Variants in LINGO2 observed in about 807,000 individuals in gnomAD.
LINGO2 encodes leucine rich repeat and Ig domain containing 2.
Under a neutral mutation model 30.6 loss-of-function variants are expected in LINGO2, and 14 were observed. The observed-to-expected ratio is 0.46, with a 90% CI of 0.30 to 0.72. LINGO2 has a LOEUF of 0.72. LINGO2 is among the 30% of genes least tolerant of loss of function. The pLI is 0.07. For synonymous variants in LINGO2, 317 were observed against 288.5 expected (o/e 1.10, Z -1.00); for missense variants, 729 against 751.7 (o/e 0.97, Z 0.35).
At chr9:28,237,626 G>A (rs1361673806) in intron 4 of LINGO2, among the ~76,000 whole-genome samples, 2 of 152,138 alleles carry the variant, frequency 1.3e-5, no homozygotes, top group Admixed American at 6.5e-5. Context: ...GAGGCAGGTG[G>A]ATCAGATCAC....
chr9:28,047,872 A>G (rs1398292820), intron 4 of LINGO2, among the ~76,000 whole-genome samples: 1 of 150,930 alleles, frequency 6.6e-6, no homozygotes, highest in Non-Finnish European at 1.5e-5. Flanking sequence ...GAATGGGACT[A>G]AAAATTACTT....
At chr9:29,169,308 A>G in the LINGO2 span, among the ~76,000 whole-genome samples, 1 of 152,162 alleles carries the variant, frequency 6.6e-6, no homozygotes, top group Non-Finnish European at 1.5e-5. Flanking sequence ...GACTATTTTA[A>G]TAATCTTAGT....
the LINGO2 span, among the ~76,000 whole-genome samples, chr9:28,848,055 A>AAAC: frequency 1.8e-5 from 1 of 56,658 alleles, no homozygotes; most frequent in Non-Finnish European, 3.1e-5. Context: ...GTATATATAT[A>AAAC]TATATATGTA....
At chr9:28,030,670 A>G in intron 4 of LINGO2, among the ~76,000 whole-genome samples, 1 of 152,190 alleles carries the variant, frequency 6.6e-6, no homozygotes, top group East Asian at 1.9e-4. Context: ...TTTCAGTTTG[A>G]GTGACTGAGT....
the LINGO2 span, among the ~76,000 whole-genome samples, chr9:29,181,129 T>G: frequency 6.6e-6 from 1 of 152,200 alleles, no homozygotes; most frequent in African/African-American, 2.4e-5. Context: ...ATAGAAAGAA[T>G]GAGTTTGGGA....
At chr9:28,582,913 C>A (rs1166981323) in intron 1 of LINGO2, among the ~76,000 whole-genome samples, 1 of 151,890 alleles carries the variant, frequency 6.6e-6, no homozygotes, top group African/African-American at 2.4e-5. Flanking sequence ...CATGTTTAAT[C>A]TTTTTAACTC....
chr9:28,989,712 T>G, the LINGO2 span, among the ~76,000 whole-genome samples: 14 of 152,292 alleles, frequency 9.2e-5, no homozygotes, highest in East Asian at 2.3e-3. Context: ...TTTACCAAAA[T>G]ACACTGCCTC....
intron 1 of LINGO2, among the ~76,000 whole-genome samples, chr9:28,624,367 C>A (rs532131063): frequency 6.6e-6 from 1 of 151,604 alleles, no homozygotes; most frequent in Non-Finnish European, 1.5e-5. Flanking sequence ...TAGTTTTGGG[C>A]GGATTTTATC....
chr9:28,486,705 T>A (rs181264334), intron 1 of LINGO2, among the ~76,000 whole-genome samples: 1 of 116,232 alleles, frequency 8.6e-6, no homozygotes, highest in Non-Finnish European at 2.1e-5. Flanking sequence ...CAAATGGTAC[T>A]TCAATGTAAA....
At chr9:29,052,831 T>A in the LINGO2 span, among the ~76,000 whole-genome samples, 2 of 152,066 alleles carry the variant, frequency 1.3e-5, no homozygotes, top group African/African-American at 4.8e-5. Flanking sequence ...TGACCAACCA[T>A]TAGTTGGTCA....
intron 4 of LINGO2, among the ~76,000 whole-genome samples, chr9:28,268,034 A>C (rs1822815395): frequency 6.6e-6 from 1 of 152,100 alleles, no homozygotes; most frequent in African/African-American, 2.4e-5. Context: ...CATAGTATCC[A>C]CTATTTAAAG....
At chr9:29,124,324 G>A in the LINGO2 span, among the ~76,000 whole-genome samples, 4 of 152,090 alleles carry the variant, frequency 2.6e-5, no homozygotes, top group African/African-American at 9.7e-5. Flanking sequence ...AGAAAACCTA[G>A]GCAATACCAT....
At chr9:28,814,804 CACAA>C in the LINGO2 span, among the ~76,000 whole-genome samples, 1 of 147,752 alleles carries the variant, frequency 6.8e-6, no homozygotes, top group African/African-American at 2.5e-5. Context: ...CTCACACACA[CACAA>C]ACAGACACAC....
At chr9:28,180,441 G>A (rs960898863) in intron 4 of LINGO2, among the ~76,000 whole-genome samples, 8 of 152,120 alleles carry the variant, frequency 5.3e-5, no homozygotes, top group Non-Finnish European at 4.4e-5. Context: ...TCTATCTTCT[G>A]TTTTGCATTA....
the LINGO2 span, among the ~76,000 whole-genome samples, chr9:29,158,215 G>T: frequency 6.6e-6 from 1 of 151,704 alleles, no homozygotes; most frequent in African/African-American, 2.4e-5. Flanking sequence ...CAAATGGAGG[G>T]AATGGTGATT....
At chr9:28,369,777 A>C (rs1033276166) in intron 3 of LINGO2, among the ~76,000 whole-genome samples, 1 of 152,230 alleles carries the variant, frequency 6.6e-6, no homozygotes, top group African/African-American at 2.4e-5. Flanking sequence ...AAGATTTGAC[A>C]GGTGAAGAAA....
chr9:28,359,355 T>C (rs549960128), intron 3 of LINGO2, among the ~76,000 whole-genome samples: 1 of 152,184 alleles, frequency 6.6e-6, no homozygotes, highest in East Asian at 1.9e-4. Flanking sequence ...CAGCATAATT[T>C]CTGGATCAAA....
intron 5 of LINGO2, among the ~76,000 whole-genome samples, chr9:28,000,058 A>G (rs75260727): frequency 6.6e-6 from 1 of 152,204 alleles, no homozygotes. Context: ...ATATGCAACA[A>G]TGATGTGACA....
At chr9:28,972,268 TC>T in the LINGO2 span, among the ~76,000 whole-genome samples, 1 of 152,014 alleles carries the variant, frequency 6.6e-6, no homozygotes, top group Non-Finnish European at 1.5e-5. Context: ...ATCAACAACA[TC>T]CAGGAAAACA....
Sources: gnomAD v4.1 joint callset for allele counts (sites outside exome capture counted in the v4.1 genomes callset) on GRCh38, gnomAD v4.1.1 for gene constraint, MANE v1.5 for transcripts, NCBI Gene and HGNC (gene_info 2026-07-23, HGNC 2026-07-21) for gene names.